Variants in PPP2R3A observed in about 807,000 individuals in gnomAD.
PPP2R3A encodes the protein serine/threonine-protein phosphatase 2A regulatory subunit B'' subunit alpha.
A neutral mutation model predicts 106.9 loss-of-function variants in PPP2R3A; 80 were observed. The ratio of observed to expected loss-of-function variants is 0.75; its 90% confidence interval spans 0.62 to 0.90. The LOEUF is 0.90. Among genes scored for constraint, PPP2R3A ranks in the 40% least tolerant of loss-of-function variants. The probability of loss-of-function intolerance (pLI) is 0.00; values close to 1 mark genes in which losing one functional copy is unlikely to be tolerated. For synonymous variants in PPP2R3A, 483 were observed against 468.3 expected (o/e 1.03, Z -0.41); for missense variants, 1,386 against 1,350.4 (o/e 1.03, Z -0.41).
At chr3:136,118,869 A>G (rs926883708) in intron 13 of PPP2R3A, among the ~76,000 whole-genome samples, 2 of 152,192 alleles carry the variant, frequency 1.3e-5, no homozygotes, top group Non-Finnish European at 2.9e-5. Context: ...GGAAAAAACT[A>G]CTTTAAACTT....
chr3:136,067,412 C>G (rs1002647643), intron 5 of PPP2R3A, among the ~76,000 whole-genome samples: 1 of 152,134 alleles, frequency 6.6e-6, no homozygotes, highest in African/African-American at 2.4e-5. Context: ...CAAAGTGAGT[C>G]TTAGGATTGA....
At chr3:136,063,609 T>C (rs1411184545) in intron 5 of PPP2R3A, among the ~76,000 whole-genome samples, 2 of 152,192 alleles carry the variant, frequency 1.3e-5, no homozygotes, top group African/African-American at 4.8e-5. Context: ...GGACGAAGGA[T>C]ATGAACAGAC....
In PPP2R3A at chr3:136,002,891, A is replaced by G. The variant is rs983877454; in HGVS notation, c.1393A>G (p.Met465Val). 1.2e-6 allele frequency: 2 copies of G among 1,612,896 alleles called. No homozygotes were observed. Among genetic ancestry groups the G allele is most frequent in the Admixed American group, 1.7e-5 (1 of 59,790 alleles). Residue 465 changes from methionine to valine, a missense_variant, in exon 2 of 14, where the codon ATG becomes GTG. Physicochemically the swap from Met to Val is conservative, Grantham distance 21. Transcript: ENST00000264977. ...ATHLKKCPTP[M>V]QNEIGKIFEK... Reference sequence around the variant, plus strand: ...TCATCTTAAAAAATGCCCCACCCCAATGCAAAATGAAATTGGTAAGATATT... The same window carrying G: ...TCATCTTAAAAAATGCCCCACCCCAGTGCAAAATGAAATTGGTAAGATATT...
chr3:136,034,143 C>T (rs1235151299), intron 3 of PPP2R3A, among the ~76,000 whole-genome samples: 4 of 150,850 alleles, frequency 2.7e-5, no homozygotes, highest in African/African-American at 9.8e-5. Context: ...TCAAGTGATT[C>T]TCCTGCCTCA....
intron 9 of PPP2R3A, 44 bp from the exon 10 acceptor site, chr3:136,090,534 T>G (rs1937070509): frequency 6.7e-7 from 1 of 1,486,122 alleles, no homozygotes; most frequent in South Asian, 1.1e-5. Flanking sequence ...TAAATGGTTC[T>G]GAGTAATTGC....
At chr3:136,006,526 A>C (rs974646000) in intron 2 of PPP2R3A, among the ~76,000 whole-genome samples, 3 of 152,210 alleles carry the variant, frequency 2.0e-5, no homozygotes, top group African/African-American at 7.2e-5. Flanking sequence ...ACAAACCAAC[A>C]AACAAACAAC....
At chr3:135,977,267 C>T (rs79120694) in intron 1 of PPP2R3A, among the ~76,000 whole-genome samples, 2,601 of 152,228 alleles carry the variant, frequency 0.017, 76 homozygotes, top group African/African-American at 0.06. Flanking sequence ...GGCACATTTT[C>T]TAATTGATGT....
intron 5 of PPP2R3A, 104 bp from the exon 6 acceptor site, chr3:136,070,373 TA>T: frequency 1.3e-6 from 1 of 783,122 alleles, no homozygotes; most frequent in Non-Finnish European, 2.0e-6. Context: ...TTCATTATTG[TA>T]AAATAGCAAG....
At chr3:135,996,973 A>G (rs924144425) in intron 1 of PPP2R3A, among the ~76,000 whole-genome samples, 1 of 152,158 alleles carries the variant, frequency 6.6e-6, no homozygotes, top group African/African-American at 2.4e-5. Context: ...CTGCCTCACT[A>G]GGAAAGGTAT....
At chr3:136,126,579 C>A (rs1194991011) in intron 13 of PPP2R3A, among the ~76,000 whole-genome samples, 1 of 152,226 alleles carries the variant, frequency 6.6e-6, no homozygotes, top group Non-Finnish European at 1.5e-5. Flanking sequence ...GAACAAAAGA[C>A]AGCAGACAAC....
chr3:136,059,540 T>C (rs4678224), intron 5 of PPP2R3A, among the ~76,000 whole-genome samples: 50,147 of 151,990 alleles, frequency 0.33, 8,919 homozygotes, highest in African/African-American at 0.47. Context: ...GAGTGTAAAT[T>C]AGTTCAATCA....
chr3:136,062,687 C>T (rs1936116987), intron 5 of PPP2R3A, among the ~76,000 whole-genome samples: 1 of 148,334 alleles, frequency 6.7e-6, no homozygotes, highest in Non-Finnish European at 1.5e-5. Flanking sequence ...CACTGCACTC[C>T]AGCCTGGGTG....
chr3:136,122,547 A>G (rs1938034916), intron 13 of PPP2R3A, among the ~76,000 whole-genome samples: 1 of 152,200 alleles, frequency 6.6e-6, no homozygotes, highest in Non-Finnish European at 1.5e-5. Flanking sequence ...AAATCCATGT[A>G]TAAGAAGACC....
chr3:136,060,928 A>C (rs1403039658), intron 5 of PPP2R3A, among the ~76,000 whole-genome samples: 1 of 152,212 alleles, frequency 6.6e-6, no homozygotes, highest in African/African-American at 2.4e-5. Flanking sequence ...TACATATGTT[A>C]ATAACTCAAT....
chr3:135,990,939 C>A (rs1260450942), intron 1 of PPP2R3A, among the ~76,000 whole-genome samples: 1 of 152,132 alleles, frequency 6.6e-6, no homozygotes, highest in African/African-American at 2.4e-5. Flanking sequence ...TGCCCCACTC[C>A]TTCAGCTTTG....
chr3:135,970,005 GCATAGAACAGTGTTCT>G (rs1424829849), intron 1 of PPP2R3A, among the ~76,000 whole-genome samples: 2 of 152,214 alleles, frequency 1.3e-5, no homozygotes, highest in Admixed American at 1.3e-4. Context: ...TGGGAAGAGA[GCATAGAACAGTGTTCT>G]CATCTTGGTT....
chr3:136,102,329 A>G, intron 11 of PPP2R3A, 147 bp downstream of exon 11: 2 of 575,760 alleles, frequency 3.5e-6, no homozygotes, highest in Non-Finnish European at 5.5e-6. Context: ...CTCCTTGACT[A>G]TTAGTGTAGC....
At chr3:136,087,297 C>CTCTG (rs1553753872) in intron 8 of PPP2R3A, among the ~76,000 whole-genome samples, 1 of 148,644 alleles carries the variant, frequency 6.7e-6, no homozygotes, top group Non-Finnish European at 1.5e-5. Flanking sequence ...CTCTCTCTCT[C>CTCTG]TCACCAACAT....
chr3:136,096,076 G>A lies in PPP2R3A; in HGVS notation c.2927+5409G>A, dbSNP rs547685710. ...AGCCTACTTTATAATAAAGTATTGA[G>A]TATCTCATATAATTTATTGAATACT... On this transcript the variant is annotated intron_variant, in intron 10 of 13. Coordinates refer to ENST00000264977, the MANE Select transcript of PPP2R3A (RefSeq NM_002718.5). Among the ~76,000 whole-genome samples, 5 of 152,246 alleles carry A rather than the reference G, an allele frequency of 3.3e-5. No homozygotes were observed. In the East Asian group the frequency reaches 9.6e-4, roughly 29 times the overall value.
Sources: gnomAD v4.1 joint callset for allele counts (sites outside exome capture counted in the v4.1 genomes callset) on GRCh38, gnomAD v4.1.1 for gene constraint, MANE v1.5 for transcripts, NCBI Gene and HGNC (gene_info 2026-07-23, HGNC 2026-07-21) for gene names.